PRKCQ: variants seen among roughly 807,000 people sequenced by gnomAD.
The protein encoded by PRKCQ is protein kinase C theta.
PRKCQ carries 41 observed loss-of-function variants against 91.2 expected under a neutral mutation model. The observed-to-expected ratio is 0.45, with a 90% CI of 0.35 to 0.58. The LOEUF is 0.58. Among genes scored for constraint, PRKCQ ranks in the 20% least tolerant of loss-of-function variants. The pLI is 0.00. For missense variants in PRKCQ, 673 were observed against 896.5 expected (o/e 0.75, Z 3.18); for synonymous variants, 307 against 316.9 (o/e 0.97, Z 0.33).
intron 1 of PRKCQ, among the ~76,000 whole-genome samples, chr10:6,545,327 T>C (rs1564384833): frequency 6.6e-6 from 1 of 152,214 alleles, no homozygotes; most frequent in African/African-American, 2.4e-5. Context: ...ACAACAACCT[T>C]TGAAAAATGG....
At chr10:6,402,918 A>T in the PRKCQ span, among the ~76,000 whole-genome samples, 1 of 152,226 alleles carries the variant, frequency 6.6e-6, no homozygotes, top group African/African-American at 2.4e-5. Context: ...TCAAAACCAA[A>T]TAGAAACAAA....
chr10:6,462,910 C>T (rs1185984002), intron 13 of PRKCQ, among the ~76,000 whole-genome samples: 3 of 151,152 alleles, frequency 2.0e-5, no homozygotes, highest in Non-Finnish European at 4.4e-5. Flanking sequence ...GAAGCTGAGG[C>T]TTGATAATCA....
chr10:6,445,078 C>T (rs1230070281), intron 15 of PRKCQ, among the ~76,000 whole-genome samples: 17 of 142,916 alleles, frequency 1.2e-4, no homozygotes, highest in African/African-American at 3.9e-4. Context: ...GAGCCAAGAT[C>T]GCGCCTCTGC....
intron 1 of PRKCQ, among the ~76,000 whole-genome samples, chr10:6,574,110 C>T (rs1000505147): frequency 5.9e-5 from 9 of 151,968 alleles, no homozygotes; most frequent in African/African-American, 1.2e-4. Context: ...AGCAAGACCC[C>T]GTAAAAAAAA....
intron 16 of PRKCQ, among the ~76,000 whole-genome samples, chr10:6,433,414 C>T (rs947504978): frequency 2.0e-5 from 3 of 152,194 alleles, no homozygotes; most frequent in Non-Finnish European, 4.4e-5. Flanking sequence ...CTTACAGAAG[C>T]TAGCATAGTG....
chr10:6,500,465 CTATAAA>C (rs1837844764), intron 4 of PRKCQ, among the ~76,000 whole-genome samples: 3 of 150,648 alleles, frequency 2.0e-5, no homozygotes, highest in African/African-American at 4.9e-5. Flanking sequence ...TTTTTATAAA[CTATAAA>C]TATATAGTTA....
At chr10:6,558,961 G>A (rs563826568) in intron 1 of PRKCQ, among the ~76,000 whole-genome samples, 4 of 152,316 alleles carry the variant, frequency 2.6e-5, no homozygotes, top group East Asian at 1.9e-4. Context: ...TCCCGTCAGC[G>A]GTGACATGTG....
chr10:6,558,635 A>G (rs1032750082), intron 1 of PRKCQ, among the ~76,000 whole-genome samples: 11 of 152,340 alleles, frequency 7.2e-5, no homozygotes, highest in Admixed American at 4.6e-4. Flanking sequence ...AGTCCCTAGG[A>G]GCAGCAGGTT....
At chr10:6,463,868 C>T (rs887655319) in intron 13 of PRKCQ, among the ~76,000 whole-genome samples, 1 of 152,144 alleles carries the variant, frequency 6.6e-6, no homozygotes, top group African/African-American at 2.4e-5. Context: ...GCTGCCGGCA[C>T]TAGGAAGGAG....
intron 1 of PRKCQ, among the ~76,000 whole-genome samples, chr10:6,520,343 C>T (rs1838953953): frequency 6.6e-6 from 1 of 152,126 alleles, no homozygotes; most frequent in Non-Finnish European, 1.5e-5. Flanking sequence ...TGCTTCATCT[C>T]CTGCTCCACC....
the PRKCQ span, among the ~76,000 whole-genome samples, chr10:6,394,268 G>A: frequency 1.7e-4 from 26 of 152,220 alleles, no homozygotes; most frequent in South Asian, 1.5e-3. Flanking sequence ...CTTTGTTGTC[G>A]TAAGTGTAGT....
At chr10:6,442,189 T>C in intron 15 of PRKCQ, 108 bp from the exon 16 acceptor site, 2 of 1,097,810 alleles carry the variant, frequency 1.8e-6, no homozygotes, top group Non-Finnish European at 2.6e-6. Context: ...GATGATGGTG[T>C]GCAAGAAAGA....
At chr10:6,400,705 C>T in the PRKCQ span, among the ~76,000 whole-genome samples, 2 of 140,534 alleles carry the variant, frequency 1.4e-5, no homozygotes, top group African/African-American at 5.2e-5. Context: ...TTTACTCATT[C>T]ATTTAAGAAA....
intron 9 of PRKCQ, among the ~76,000 whole-genome samples, 189 bp downstream of exon 9, chr10:6,485,846 C>T (rs1409121204): frequency 6.6e-6 from 1 of 152,204 alleles, no homozygotes; most frequent in South Asian, 2.1e-4. Context: ...CTGCATAATA[C>T]AAATGCATTA....
At chr10:6,472,379 C>T (rs1004741778) in intron 12 of PRKCQ, among the ~76,000 whole-genome samples, 1 of 152,192 alleles carries the variant, frequency 6.6e-6, no homozygotes, top group Admixed American at 6.5e-5. Context: ...GAGTGAGTGT[C>T]TTGTTCTTTT....
intron 1 of PRKCQ, among the ~76,000 whole-genome samples, chr10:6,527,705 A>C (rs1839247414): frequency 6.6e-6 from 1 of 152,114 alleles, no homozygotes. Flanking sequence ...CATTCTACGT[A>C]AGCCAGGCTC....
chr10:6,460,641 G>A (rs1190719472), intron 14 of PRKCQ, among the ~76,000 whole-genome samples: 2 of 152,116 alleles, frequency 1.3e-5, no homozygotes, highest in African/African-American at 4.8e-5. Flanking sequence ...ACAGGCAAGG[G>A]CCACTACACC....
At chr10:6,574,158 T>C (rs7087597) in intron 1 of PRKCQ, among the ~76,000 whole-genome samples, 72,430 of 152,072 alleles carry the variant, frequency 0.48, 21,053 homozygotes, top group Non-Finnish European at 0.62. Context: ...GGCTGTCTTG[T>C]TGTCTTTCCC....
chr10:6,530,546 CA>C (rs1441810427), intron 1 of PRKCQ, among the ~76,000 whole-genome samples: 12 of 152,108 alleles, frequency 7.9e-5, no homozygotes, highest in African/African-American at 1.9e-4. Context: ...ATCACAGTCA[CA>C]GGGGGGGTTG....
Sources: allele counts gnomAD v4.1 joint callset (sites outside exome capture counted in the v4.1 genomes callset), GRCh38; gene constraint gnomAD v4.1.1; transcripts MANE v1.5; gene names NCBI Gene and HGNC (gene_info 2026-07-23, HGNC 2026-07-21).